Variants in FAM83F observed in about 807,000 individuals in gnomAD.
FAM83F encodes protein FAM83F.
FAM83F carries 45 observed loss-of-function variants against 42.9 expected under a neutral mutation model. That is an observed-to-expected ratio of 1.05 (90% CI 0.83 to 1.35). The LOEUF is 1.35. Among genes scored for constraint, FAM83F ranks in the 40% most tolerant of loss-of-function variants. The pLI is 0.00. For missense variants in FAM83F, 617 were observed against 695.9 expected, an observed-to-expected ratio of 0.89 and a Z score of 1.28; for synonymous variants, 306 against 298.3, an observed-to-expected ratio of 1.03 and a Z score of -0.27.
intron 1 of FAM83F, among the ~76,000 whole-genome samples, chr22:40,003,894 T>A (rs1176792534): frequency 1.3e-5 from 2 of 151,952 alleles, no homozygotes; most frequent in African/African-American, 4.8e-5. Flanking sequence ...TCCGGATAAG[T>A]GTTATTTTAT....
chr22:40,000,478 GC>G (rs1378723491), intron 1 of FAM83F, among the ~76,000 whole-genome samples: 1 of 152,154 alleles, frequency 6.6e-6, no homozygotes, highest in African/African-American at 2.4e-5. Context: ...CCTGAGTGGA[GC>G]CTACCGTCTT....
chr22:40,004,177 A>G (rs572684385), intron 1 of FAM83F, among the ~76,000 whole-genome samples: 38 of 152,198 alleles, frequency 2.5e-4, no homozygotes, highest in African/African-American at 9.2e-4. Flanking sequence ...ACAAAAAGAA[A>G]CTAAATTTCA....
intron 4 of FAM83F, among the ~76,000 whole-genome samples, chr22:40,025,832 A>G (rs1325994679): frequency 6.6e-6 from 1 of 152,198 alleles, no homozygotes; most frequent in Non-Finnish European, 1.5e-5. Context: ...TCCCCAGTGC[A>G]GAGGGTCCTC....
rs2067619800 is a variant in FAM83F at position 40,035,712 on chromosome 22, T to A, written c.*6147T>A. The A allele has an allele frequency of 6.6e-6, 1 of 152,212 alleles. No homozygotes were observed. The highest frequency in any genetic ancestry group is 1.5e-5 in the Non-Finnish European group (1 of 68,060). 9.4% of individuals were successfully genotyped at this position (152,212 alleles called of 1,614,324 possible). On this transcript the variant is annotated 3_prime_UTR_variant, in exon 5 of 5. Coordinates refer to ENST00000333407, the MANE Select transcript of FAM83F (RefSeq NM_138435.4). The stretch of plus-strand genomic sequence containing the variant: ...AACAGCTAATGACCCCAGCAAGCAA[T>A]TTCACATCCCCGAACTTTCCTGTTT...
Position 40,023,039 on chromosome 22 carries a change from C to T in FAM83F, c.1453+1076C>T, listed in dbSNP as rs1321940112. The stretch of plus-strand genomic sequence containing the variant: ...TTCTTGGAGTTGGAACAGGCCTGGG[C>T]GCCTCTGTGGCTGTGGGCACAGTGG... On this transcript the variant is annotated intron_variant, in intron 4 of 4. Transcript: ENST00000333407. This position sits in a 1 kb window ranked among gnomAD's most constrained non-coding sequence, Gnocchi z 4.1. 6.6e-6 allele frequency among the ~76,000 whole-genome samples: 1 copy of T among 152,216 alleles called. No individual in the cohort carries two copies. The highest frequency in any genetic ancestry group is 1.5e-5 in the Non-Finnish European group (1 of 68,048).
intron 3 of FAM83F, among the ~76,000 whole-genome samples, chr22:40,020,357 ATTTTTTTT>A (rs552816341): frequency 8.6e-6 from 1 of 116,404 alleles, no homozygotes; most frequent in African/African-American, 3.3e-5. Context: ...TGTCGCCAGA[ATTTTTTTT>A]TTTTTTTTTT....
Position 39,995,377 on chromosome 22 carries a change from C to G in FAM83F, c.335C>G (p.Ser112Cys). ...GESLAYWPDR[S>C]DTEVPPLDLG... ...TCCCTGGCCTACTGGCCCGACCGTT[C>G]CGACACCGAGGTGCCTCCTCTGGAC... The change falls in exon 1 of 5, where the codon TCC (serine) becomes TGC (cysteine). Residue 112 changes from serine (S) to cysteine (C), a missense_variant. Transcript: ENST00000333407. The surrounding 1 kb of genome is among the most constrained non-coding windows in gnomAD (Gnocchi z 4.6). The G allele has an allele frequency of 6.5e-7, 1 of 1,546,184 alleles. No individual in the cohort carries two copies. Among genetic ancestry groups the G allele is most frequent in the Non-Finnish European group, 8.7e-7 (1 of 1,146,704 alleles).
At chr22:40,020,065 C>A in intron 3 of FAM83F, 57 bp downstream of exon 3, 1 of 1,562,660 alleles carries the variant, frequency 6.4e-7, no homozygotes, top group South Asian at 1.2e-5. Context: ...GGTAGGTGTT[C>A]AGGAAGATGC....
At position 40,035,347 on chromosome 22, in the gene FAM83F, G is replaced by A. The variant is rs1432902564; in HGVS notation, c.*5782G>A. ...TGTCCGCGGTGCCCACAGTGCTGTG[G>A]GTACAAGCAAGGGGAAAAGAGCCCA... On this transcript the variant is annotated 3_prime_UTR_variant, in exon 5 of 5. Coordinates refer to ENST00000333407, the MANE Select transcript of FAM83F (RefSeq NM_138435.4). 6.6e-6 allele frequency: 1 copy of A among 152,216 alleles called. No individual in the cohort carries two copies. The highest frequency in any genetic ancestry group is 6.5e-5 in the Admixed American group (1 of 15,284). 9.4% of individuals were successfully genotyped at this position (152,216 alleles called of 1,614,324 possible).
Position 39,995,073 on chromosome 22 carries a change from G to T in FAM83F, c.31G>T (p.Glu11Ter). 7.4e-7 allele frequency: 1 copy of T among 1,342,458 alleles called. No individual in the cohort carries two copies. The allele number at this position is 1,342,458 out of a possible 1,614,324, so 83.2% of individuals were successfully genotyped here. MAESQLNCLD[E>*]AHVNEKVTEA... ...CGAGTCCCAGCTGAACTGCCTGGAC[G>T]AGGCGCACGTGAACGAGAAGGTGAC... is the stretch of plus-strand genomic sequence containing the variant. The change falls in exon 1 of 5, where the codon GAG (glutamate) becomes TAG (stop). Residue 11 changes from glutamate to a stop codon, truncating the protein, a stop_gained. Coordinates refer to ENST00000333407, the MANE Select transcript of FAM83F (RefSeq NM_138435.4). LOFTEE classifies it high-confidence loss of function. The surrounding 1 kb of genome is among the most constrained non-coding windows in gnomAD (Gnocchi z 4.6).
Position 39,995,574 on chromosome 22 carries a change from C to T in FAM83F, c.489+43C>T, listed in dbSNP as rs1041691812. 1.3e-6 allele frequency: 2 copies of T among 1,502,480 alleles called. No individual in the cohort carries two copies. The highest frequency in any genetic ancestry group is 1.4e-5 in the African/African-American group (1 of 72,214). 93.1% of individuals were successfully genotyped at this position (1,502,480 alleles called of 1,614,324 possible). A position where few individuals can be genotyped will look rare whatever the true frequency, so the allele number is the denominator to read the frequency against. On this transcript the variant is annotated intron_variant, in intron 1 of 4. Transcript: ENST00000333407. This position sits in a 1 kb window ranked among gnomAD's most constrained non-coding sequence, Gnocchi z 4.6. Reference sequence around the variant, plus strand: ...CCCCCACACCGCTGGGACCTCGGCCCCAGTCCCCTGGACCGGGCCCCACCT... The same window carrying T: ...CCCCCACACCGCTGGGACCTCGGCCTCAGTCCCCTGGACCGGGCCCCACCT...
At chr22:40,026,465 A>G (rs1288227562) in intron 4 of FAM83F, among the ~76,000 whole-genome samples, 1 of 152,180 alleles carries the variant, frequency 6.6e-6, no homozygotes, top group Non-Finnish European at 1.5e-5. Context: ...GGTTGCAGTG[A>G]GTGGAGATCA....
Position 40,021,969 on chromosome 22 carries a change from C to A in FAM83F, c.1453+6C>A. The A allele has an allele frequency of 6.5e-7, 1 of 1,535,514 alleles. No individual in the cohort carries two copies. The highest frequency in any genetic ancestry group is 8.8e-7 in the Non-Finnish European group (1 of 1,142,040). ...TTCCAGTGCTGACATCTCAGGTGAG[C>A]CCTCTTCCCTCTGGCCTGGTGCCTC... On this transcript the variant is annotated splice_donor_region_variant and intron_variant, in intron 4 of 4. Coordinates refer to ENST00000333407, the MANE Select transcript of FAM83F (RefSeq NM_138435.4). This position sits in a 1 kb window ranked among gnomAD's most constrained non-coding sequence, Gnocchi z 8.7.
In FAM83F at chr22:40,043,349, C is replaced by T. The variant is rs757990787; in HGVS notation, c.*13784C>T. On this transcript the variant is annotated 3_prime_UTR_variant, in exon 5 of 5. Coordinates refer to ENST00000333407, the MANE Select transcript of FAM83F (RefSeq NM_138435.4). ...CGCAAAAGCTCACTGGCAATGGGTC[C>T]TAAGCGTCCTGCCCTCCTCTGGCTG... The T allele has an allele frequency of 1.3e-5, 2 of 152,218 alleles. No homozygotes were observed. Among genetic ancestry groups the T allele is most frequent in the African/African-American group, 4.8e-5 (2 of 41,428 alleles). 9.4% of individuals were successfully genotyped at this position (152,218 alleles called of 1,614,324 possible). A position where few individuals can be genotyped will look rare whatever the true frequency, so the allele number is the denominator to read the frequency against.
At chr22:40,008,403 C>T (rs996749845) in intron 1 of FAM83F, among the ~76,000 whole-genome samples, 24 of 152,330 alleles carry the variant, frequency 1.6e-4, no homozygotes, top group Middle Eastern at 3.4e-3. Context: ...CCATCGCTCA[C>T]AGCAGGACAA....
At chr22:40,003,190 G>A (rs751097052) in intron 1 of FAM83F, among the ~76,000 whole-genome samples, 2 of 152,212 alleles carry the variant, frequency 1.3e-5, no homozygotes, top group African/African-American at 2.4e-5. Flanking sequence ...GGTTCCTCCT[G>A]CCTAGTGACA....
At chr22:40,029,080 C>CGTGTGTGT (rs55770640) in intron 4 of FAM83F, among the ~76,000 whole-genome samples, 147 of 130,606 alleles carry the variant, frequency 1.1e-3, no homozygotes, top group African/African-American at 2.2e-3. Context: ...CTTGGCTAGA[C>CGTGTGTGT]GTGTGTGTGT....
chr22:40,009,284 G>A (rs2067451135), intron 1 of FAM83F, among the ~76,000 whole-genome samples: 1 of 152,052 alleles, frequency 6.6e-6, no homozygotes, highest in Non-Finnish European at 1.5e-5. Context: ...CAGCAAGCTT[G>A]GCCTGTGGCC....
chr22:40,009,121 C>T (rs2145713332), intron 1 of FAM83F, among the ~76,000 whole-genome samples: 1 of 152,318 alleles, frequency 6.6e-6, no homozygotes, highest in Non-Finnish European at 1.5e-5. Context: ...CTCATCCGAG[C>T]CTTCCAACAG....
Sources: gnomAD v4.1 joint callset for allele counts (sites outside exome capture counted in the v4.1 genomes callset) on GRCh38, gnomAD v4.1.1 for gene constraint, Gnocchi (gnomAD v3.1) non-coding constraint, MANE v1.5 for transcripts, NCBI Gene and HGNC (gene_info 2026-07-23, HGNC 2026-07-21) for gene names.